GRIK5: variants seen among roughly 807,000 people sequenced by gnomAD.
GRIK5 encodes glutamate ionotropic receptor kainate type subunit 5, also known as glutamate receptor ionotropic, kainate 5.
Under a neutral mutation model 97.4 loss-of-function variants are expected in GRIK5, and 43 were observed. The ratio of observed to expected loss-of-function variants is 0.44; its 90% CI spans 0.35 to 0.57. GRIK5 has a LOEUF of 0.57. Among genes scored for constraint, GRIK5 ranks in the 20% least tolerant of loss-of-function variants. GRIK5 has a pLI of 0.01. For synonymous variants in GRIK5, 580 were observed against 583.5 expected (o/e 0.99, Z 0.09); for missense variants, 1,015 against 1,382.0 (o/e 0.73, Z 4.21).
intron 8 of GRIK5, 26 bp downstream of exon 8, chr19:42,056,636 G>A (rs1169840361): frequency 1.9e-6 from 3 of 1,607,032 alleles, no homozygotes; most frequent in Non-Finnish European, 2.6e-6. Flanking sequence ...GTGTTTCTGG[G>A]TGTGACTGGG....
At chr19:42,018,112 G>C (rs755306199) in intron 15 of GRIK5, among the ~76,000 whole-genome samples, 1 of 129,704 alleles carries the variant, frequency 7.7e-6, no homozygotes, top group Non-Finnish European at 1.6e-5. Context: ...AGGAGATCGA[G>C]ACCACCCTGG....
In GRIK5 at chr19:42,056,649, T is replaced by C; in HGVS notation, c.903+13A>G. The C allele has an allele frequency of 6.2e-7, 1 of 1,612,592 alleles. No individual in the cohort carries two copies. The highest frequency in any genetic ancestry group is 8.5e-7 in the Non-Finnish European group (1 of 1,178,786). ...GAGTGTTTCTGGGTGTGACTGGGTA[T>C]CTGTGTGCTCACCGCAGGGCCCAGG... On this transcript the variant is annotated intron_variant, in intron 8 of 19. Transcript: ENST00000593562.
At chr19:42,061,435 T>A (rs528026087) in intron 5 of GRIK5, among the ~76,000 whole-genome samples, 6 of 152,262 alleles carry the variant, frequency 3.9e-5, no homozygotes, top group African/African-American at 1.4e-4. Flanking sequence ...CACCTTGGCC[T>A]CCCAAAGTGC....
At position 42,051,037 on chromosome 19, in the gene GRIK5, G is replaced by A. The variant is rs78981712; in HGVS notation, c.1269+2565C>T. Among the ~76,000 whole-genome samples, 109 of 152,264 alleles carry A rather than the reference G, an allele frequency of 7.2e-4. 1 individual carries two copies. In the East Asian group the frequency reaches 0.018, roughly 25 times the overall value. ...TTAAGTGACTTGAACTAATAAGAGC[G>A]GAGGAATGGGACTGAGGTCCCTCTG... is the stretch of plus-strand genomic sequence containing the variant. On this transcript the variant is annotated intron_variant, in intron 11 of 19. Coordinates refer to ENST00000593562, the MANE Select transcript of GRIK5 (RefSeq NM_002088.5).
At chr19:42,008,131 C>T (rs929137872) in intron 15 of GRIK5, among the ~76,000 whole-genome samples, 2 of 151,996 alleles carry the variant, frequency 1.3e-5, no homozygotes, top group African/African-American at 2.4e-5. Context: ...GATTCTCCCG[C>T]CTCAGCTTCC....
At position 41,999,220 on chromosome 19, in the gene GRIK5, C is replaced by T; in HGVS notation, c.2594G>A (p.Arg865Gln). Reference protein sequence around the residue: ...CRKTSRSRRRRRPGGPSRALL... With the variant: ...CRKTSRSRRRQRPGGPSRALL... ...GGCCCGGCTCGGGCCGCCCGGGCGTCGGCGCCGGCGGGAACGCGACGTCTT... is the reference window on the plus strand; with the variant it reads ...GGCCCGGCTCGGGCCGCCCGGGCGTTGGCGCCGGCGGGAACGCGACGTCTT... The change falls in exon 20 of 20, where the codon CGA becomes CAA. Residue 865 changes from arginine to glutamine, a missense_variant. Coordinates refer to ENST00000593562, the MANE Select transcript of GRIK5 (RefSeq NM_002088.5). The surrounding 1 kb of genome is among the most constrained non-coding windows in gnomAD (Gnocchi z 5.0). 2 of 1,519,270 alleles carry T rather than the reference C, an allele frequency of 1.3e-6. No individual in the cohort carries two copies. Among genetic ancestry groups the T allele is most frequent in the African/African-American group, 1.4e-5 (1 of 70,068 alleles). The allele number at this position is 1,519,270 out of a possible 1,614,324, so 94.1% of individuals were successfully genotyped here. A position where few individuals can be genotyped will look rare whatever the true frequency, so the allele number is the denominator to read the frequency against.
chr19:42,000,842 T>C (rs138727639), intron 19 of GRIK5, among the ~76,000 whole-genome samples: 14 of 152,314 alleles, frequency 9.2e-5, no homozygotes, highest in African/African-American at 3.4e-4. Flanking sequence ...GGAGAGGTCC[T>C]TGTCTGAGGA....
At position 42,006,111 on chromosome 19, in the gene GRIK5, C is replaced by T. The variant is rs1346741296; in HGVS notation, c.2038-163G>A. On this transcript the variant is annotated intron_variant, in intron 16 of 19. Transcript: ENST00000593562. The surrounding 1 kb of genome is among the most constrained non-coding windows in gnomAD (Gnocchi z 5.3). ...AGAGGAGAGAGAGGAGATGGACAAA[C>T]TGTCCAGGCCAGGTCCAAGTCATCC... Among the ~76,000 whole-genome samples the T allele has an allele frequency of 2.6e-5, 4 of 152,140 alleles. No homozygotes were observed. The East Asian group carries it at 7.7e-4, about 29-fold the overall frequency.
Position 42,006,164 on chromosome 19 carries a change from TG to T in GRIK5, c.2038-217del, listed in dbSNP as rs1404702115. On this transcript the variant is annotated intron_variant, in intron 16 of 19. Transcript: ENST00000593562. This position sits in a 1 kb window ranked among gnomAD's most constrained non-coding sequence, Gnocchi z 5.3. ...ACAGCCACTGTGCCCACCACCCACCTGGGGGGCCCGGTGAGTGCACCTCCAC... is the reference window on the plus strand; with the variant it reads ...ACAGCCACTGTGCCCACCACCCACCTGGGGGCCCGGTGAGTGCACCTCCAC... 6.6e-6 allele frequency among the ~76,000 whole-genome samples: 1 copy of T among 152,080 alleles called. No individual in the cohort carries two copies. Among genetic ancestry groups the T allele is most frequent in the Non-Finnish European group, 1.5e-5 (1 of 67,990 alleles).
At chr19:42,025,700 C>T (rs998982120) in intron 12 of GRIK5, among the ~76,000 whole-genome samples, 1 of 152,158 alleles carries the variant, frequency 6.6e-6, no homozygotes, top group Non-Finnish European at 1.5e-5. Context: ...CTCCACTGCC[C>T]ACACCCGCCC....
Position 42,054,336 on chromosome 19 carries a change from A to G in GRIK5, c.1040T>C (p.Met347Thr), listed in dbSNP as rs1178372994. The part of the protein sequence containing the change: ...ANIWPHGTSL[M>T]NYLRMVEYDG... ...CGGGCTCACCATGCGCAGGTAGTTC[A>G]TGAGGCTGGTCCCGTGGGGCCAAAT... Residue 347 changes from methionine (M) to threonine (T), a missense_variant, in exon 9 of 20, where the codon ATG becomes ACG. Transcript: ENST00000593562. 1.7e-5 allele frequency: 27 copies of G among 1,611,586 alleles called. No individual in the cohort carries two copies. Among genetic ancestry groups the G allele is most frequent in the Non-Finnish European group, 2.2e-5 (26 of 1,178,884 alleles).
chr19:42,053,287 T>C (rs990347095), intron 11 of GRIK5, among the ~76,000 whole-genome samples: 1 of 152,218 alleles, frequency 6.6e-6, no homozygotes, highest in Non-Finnish European at 1.5e-5. Context: ...TGAGTTGGCA[T>C]TGTTGATACA....
intron 12 of GRIK5, among the ~76,000 whole-genome samples, chr19:42,028,476 T>G (rs2075798936): frequency 6.6e-6 from 1 of 152,312 alleles, no homozygotes; most frequent in East Asian, 1.9e-4. Flanking sequence ...CTGTCTCCTC[T>G]CCCACCCCAG....
At chr19:42,026,661 C>T (rs1313562890) in intron 12 of GRIK5, among the ~76,000 whole-genome samples, 2 of 145,840 alleles carry the variant, frequency 1.4e-5, no homozygotes, top group Admixed American at 6.8e-5. Context: ...CTCCACCTCC[C>T]GGGCTCAAGC....
Position 42,022,398 on chromosome 19 carries a change from GA to G in GRIK5, c.1474-45del. ...GGCAGGGGTGGAGGGGGACAGAGGG[GA>G]AGACAGAAGTGGACAGTTAGAGAGA... On this transcript the variant is annotated intron_variant, in intron 12 of 19. Transcript: ENST00000593562. This position sits in a 1 kb window ranked among gnomAD's most constrained non-coding sequence, Gnocchi z 4.2. 1 of 1,560,366 alleles carries G rather than the reference GA, an allele frequency of 6.4e-7. No individual in the cohort carries two copies. The highest frequency in any genetic ancestry group is 8.8e-7 in the Non-Finnish European group (1 of 1,137,722).
intron 6 of GRIK5, among the ~76,000 whole-genome samples, chr19:42,058,978 C>T (rs2146163940): frequency 1.3e-5 from 2 of 152,290 alleles, no homozygotes; most frequent in South Asian, 4.1e-4. Context: ...CCTGCCCCTG[C>T]CCACAGCCCC....
At chr19:42,047,357 T>C (rs548530361) in intron 11 of GRIK5, among the ~76,000 whole-genome samples, 98 of 151,462 alleles carry the variant, frequency 6.5e-4, no homozygotes, top group Admixed American at 2.9e-3. Context: ...CTGGGCAACA[T>C]AGGAAGACCC....
In GRIK5 at chr19:42,053,617, C is replaced by T; in HGVS notation, c.1254G>A (p.Val418=). ...LSQTLANKTL[V]VTTILENPYV... is the part of the protein sequence containing the mutation. Reference sequence around the variant, plus strand: ...GGCCACTCACCAGGATGGTTGTGACCACCAGGGTCTTGTTGGCCAGTGTCT... The same window carrying T: ...GGCCACTCACCAGGATGGTTGTGACTACCAGGGTCTTGTTGGCCAGTGTCT... The change falls in exon 11 of 20, where the codon GTG becomes GTA. Residue 418 remains valine, a synonymous_variant. Coordinates refer to ENST00000593562, the MANE Select transcript of GRIK5 (RefSeq NM_002088.5). The T allele has an allele frequency of 6.2e-7, 1 of 1,607,490 alleles. No individual in the cohort carries two copies. Among genetic ancestry groups the T allele is most frequent in the Non-Finnish European group, 8.5e-7 (1 of 1,174,036 alleles).
chr19:42,060,600 C>T (rs534099255), intron 5 of GRIK5, among the ~76,000 whole-genome samples: 3 of 150,628 alleles, frequency 2.0e-5, no homozygotes, highest in South Asian at 2.1e-4. Context: ...TTTTAACCAT[C>T]CAGCCCACAG....
Sources: allele counts gnomAD v4.1 joint callset (sites outside exome capture counted in the v4.1 genomes callset), GRCh38; gene constraint gnomAD v4.1.1; non-coding constraint Gnocchi (gnomAD v3.1); transcripts MANE v1.5; gene names NCBI Gene and HGNC (gene_info 2026-07-23, HGNC 2026-07-21).